Variants in PSME4 observed in about 807,000 individuals in gnomAD.
The protein encoded by PSME4 is proteasome activator complex subunit 4.
A neutral mutation model predicts 253.9 loss-of-function variants in PSME4; 89 were observed. The ratio of observed to expected loss-of-function variants is 0.35; its 90% confidence interval spans 0.30 to 0.42. The LOEUF (loss-of-function observed/expected upper bound fraction) is 0.42, where lower values mean the gene tolerates loss of function less well. Ranked by LOEUF, PSME4 falls within the 10% of genes least tolerant of loss-of-function variation. The pLI, the probability that PSME4 is intolerant of heterozygous loss-of-function variation, is 1.00. For missense variants in PSME4, 2,014 were observed against 2,195.2 expected (o/e 0.92, Z 1.65); for synonymous variants, 851 against 759.2 (o/e 1.12, Z -1.99).
At chr2:53,866,515 G>C (rs1313410111) in intron 45 of PSME4, among the ~76,000 whole-genome samples, 2 of 152,124 alleles carry the variant, frequency 1.3e-5, no homozygotes, top group African/African-American at 2.4e-5. Context: ...ACTTCCATTG[G>C]ACTGGGAGGG....
At position 53,875,184 on chromosome 2, in the gene PSME4, G is replaced by A. The variant is rs543379805; in HGVS notation, c.4944+443C>T. Among the ~76,000 whole-genome samples, 6 of 152,250 alleles carry A rather than the reference G, an allele frequency of 3.9e-5. No individual in the cohort carries two copies. In the South Asian group the frequency reaches 1.0e-3, roughly 26 times the overall value. On this transcript the variant is annotated intron_variant, in intron 42 of 46. Transcript: ENST00000404125. ...TTTAAAATGAAAGCTATGGGAAGAC[G>A]TCCACTTCTATATAACATGTGTAAT...
intron 4 of PSME4, among the ~76,000 whole-genome samples, 190 bp from the exon 5 acceptor site, chr2:53,937,730 G>C (rs1014661215): frequency 3.9e-5 from 6 of 152,226 alleles, no homozygotes; most frequent in African/African-American, 1.4e-4. Flanking sequence ...GGGTGCAGTA[G>C]TTCATGCCTG....
intron 35 of PSME4, 24 bp downstream of exon 35, chr2:53,893,650 A>C (rs1191352277): frequency 6.2e-6 from 10 of 1,603,114 alleles, no homozygotes; most frequent in Non-Finnish European, 6.8e-6. Flanking sequence ...CATTACAAAG[A>C]GGATATGTAA....
chr2:53,908,990 T>C (rs1667697573), intron 21 of PSME4, 150 bp from the exon 22 acceptor site: 1 of 545,074 alleles, frequency 1.8e-6, no homozygotes, highest in Admixed American at 3.3e-5. Context: ...TGGCTAGGCA[T>C]GCTACAGCAA....
intron 34 of PSME4, among the ~76,000 whole-genome samples, chr2:53,894,255 C>T (rs549595789): frequency 1.3e-5 from 2 of 152,074 alleles, no homozygotes; most frequent in Non-Finnish European, 2.9e-5. Context: ...CTTAAAAACC[C>T]TTTCTCAACT....
At chr2:53,959,760 T>C (rs1332026912) in intron 1 of PSME4, among the ~76,000 whole-genome samples, 4 of 152,180 alleles carry the variant, frequency 2.6e-5, no homozygotes, top group East Asian at 1.9e-4. Flanking sequence ...GAAAGGTTTT[T>C]TCATAAACTC....
chr2:53,888,950 T>C (rs142113705), intron 37 of PSME4, 138 bp from the exon 38 acceptor site: 398 of 636,552 alleles, frequency 6.3e-4, no homozygotes, highest in African/African-American at 6.1e-3. Context: ...AGTGGTATGA[T>C]TGCCTCCCAG....
At chr2:53,891,506 G>A (rs978251667) in intron 36 of PSME4, among the ~76,000 whole-genome samples, 5 of 151,866 alleles carry the variant, frequency 3.3e-5, no homozygotes, top group Non-Finnish European at 7.4e-5. Context: ...CCATAAACAT[G>A]AACAGTTACT....
intron 1 of PSME4, among the ~76,000 whole-genome samples, chr2:53,957,968 T>C (rs554913756): frequency 4.6e-5 from 7 of 152,186 alleles, no homozygotes; most frequent in South Asian, 2.1e-4. Flanking sequence ...AGTGGCTCAC[T>C]TGAGGTCAGG....
chr2:53,869,939 C>T (rs1340782571), intron 43 of PSME4: 1 of 153,896 alleles, frequency 6.5e-6, no homozygotes, highest in East Asian at 1.9e-4. Context: ...AGACACAGAC[C>T]AACCTAATTT....
intron 41 of PSME4, among the ~76,000 whole-genome samples, chr2:53,885,257 C>A (rs1679583749): frequency 6.6e-6 from 1 of 152,142 alleles, no homozygotes; most frequent in African/African-American, 2.4e-5. Flanking sequence ...TGATTTCCTG[C>A]AGATATTTGT....
chr2:53,901,709 G>T, intron 27 of PSME4, 150 bp from the exon 28 acceptor site: 3 of 561,854 alleles, frequency 5.3e-6, no homozygotes, highest in South Asian at 3.8e-5. Context: ...CATTTAACAT[G>T]TTACTTTTTA....
rs962430352 is a variant in PSME4, at chr2:53,920,908, G to T, written c.2243C>A (p.Ser748Tyr). Residue 748 changes from serine to tyrosine, a missense_variant, in exon 18 of 47, where the codon TCT becomes TAT. Transcript: ENST00000404125. ...GCTTGCCTTGATAGGAAAGTATTCA[G>T]AAGGAGGCTTGTCAAAGCCACCTGG... Reference protein sequence around the residue: ...SVPGGFDKPPSEYFPIKDWGK... With the variant: ...SVPGGFDKPPYEYFPIKDWGK... The T allele has an allele frequency of 3.1e-6, 5 of 1,606,530 alleles. No individual in the cohort carries two copies. The highest frequency in any genetic ancestry group is 8.5e-7 in the Non-Finnish European group (1 of 1,173,248).
rs367755101 is a variant in PSME4, at chr2:53,874,810, T to C, written c.4945-316A>G. 7.6e-4 allele frequency among the ~76,000 whole-genome samples: 116 copies of C among 152,238 alleles called. 1 individual carries two copies. The South Asian group carries it at 0.022, about 29-fold the overall frequency. On this transcript the variant is annotated intron_variant, in intron 42 of 46. Transcript: ENST00000404125. ...AAATACTAAAATTAGCTGGGTGTGG[T>C]GGCAGGCACCTGTAATCCCAGCTAC...
At chr2:53,906,080 A>C (rs936153820) in intron 26 of PSME4, among the ~76,000 whole-genome samples, 14 of 152,330 alleles carry the variant, frequency 9.2e-5, no homozygotes, top group African/African-American at 3.4e-4. Flanking sequence ...TAGAATAATT[A>C]GTTGCACATG....
chr2:53,911,322 A>G (rs2104443719), intron 20 of PSME4, among the ~76,000 whole-genome samples: 1 of 152,304 alleles, frequency 6.6e-6, no homozygotes, highest in South Asian at 2.1e-4. Flanking sequence ...AATAGTATCA[A>G]ACGTTAATTT....
At chr2:53,922,708 T>C in intron 16 of PSME4, 124 bp from the exon 17 acceptor site, 1 of 1,204,992 alleles carries the variant, frequency 8.3e-7, no homozygotes, top group Non-Finnish European at 1.1e-6. Context: ...AGACTTTTTA[T>C]TTCTTCTTCA....
At chr2:53,933,316 T>G (rs1274503430) in intron 8 of PSME4, 1 of 138,856 alleles carries the variant, frequency 7.2e-6, no homozygotes, top group Non-Finnish European at 1.5e-5. Flanking sequence ...AGGTGGAGGT[T>G]GCAGTGAGCT....
At chr2:53,885,129 T>C (rs1024776770) in intron 41 of PSME4, among the ~76,000 whole-genome samples, 3 of 152,326 alleles carry the variant, frequency 2.0e-5, no homozygotes, top group Admixed American at 1.3e-4. Flanking sequence ...TGGAAACTAA[T>C]GAGTCAACCT....
Sources: gnomAD v4.1 joint callset for allele counts (sites outside exome capture counted in the v4.1 genomes callset) on GRCh38, gnomAD v4.1.1 for gene constraint, MANE v1.5 for transcripts, NCBI Gene and HGNC (gene_info 2026-07-23, HGNC 2026-07-21) for gene names.